The following KDM5B variants were observed in gnomAD, a reference collection of about 807,000 sequenced individuals.
The protein encoded by KDM5B is lysine demethylase 5B, also known as lysine-specific demethylase 5B.
KDM5B carries 144 observed loss-of-function variants against 193.4 expected under a neutral mutation model. The observed-to-expected ratio is 0.74, with a 90% confidence interval of 0.65 to 0.86. KDM5B has a LOEUF of 0.86. Ranked by LOEUF, KDM5B falls within the 40% of genes least tolerant of loss-of-function variation. The pLI is 0.00. For synonymous variants in KDM5B, 668 were observed against 682.6 expected (o/e 0.98, Z 0.33); for missense variants, 1,833 against 1,886.9 (o/e 0.97, Z 0.53).
chr1:202,789,351 T>C lies in KDM5B; in HGVS notation c.205-12257A>G, dbSNP rs188780170. 2.2e-3 allele frequency among the ~76,000 whole-genome samples: 339 copies of C among 151,718 alleles called. 3 individuals carry two copies. The highest frequency in any genetic ancestry group is 6.4e-3 in the African/African-American group (263 of 41,364). ...GCCTGACCAACATGGTGAAACCCCA[T>C]CTCTACTGAAAATACAAAAACTAGC... On this transcript the variant is annotated intron_variant, in intron 1 of 26. Transcript: ENST00000367265.
intron 1 of KDM5B, among the ~76,000 whole-genome samples, chr1:202,784,245 T>C (rs1198868270): frequency 1.3e-5 from 2 of 152,196 alleles, no homozygotes; most frequent in African/African-American, 2.4e-5. Context: ...ATCTGATAAT[T>C]AGCAAAATGA....
chr1:202,796,342 G>T, intron 1 of KDM5B: 1 of 351,450 alleles, frequency 2.8e-6, no homozygotes, highest in Non-Finnish European at 5.7e-6. Flanking sequence ...CACCTTGGAT[G>T]CCTCTGTGAA....
At position 202,808,338 on chromosome 1, in the gene KDM5B, G is replaced by T; in HGVS notation, c.-33C>A. 6.5e-7 allele frequency: 1 copy of T among 1,533,954 alleles called. No individual in the cohort carries two copies. ...GGCTGGGCAAGGGCGAGGCGAAGGT[G>T]GGCTCCGGGACCGAGGCTGCGAGCT... On this transcript the variant is annotated 5_prime_UTR_variant, in exon 1 of 27. Transcript: ENST00000367265.
chr1:202,766,805 T>C, intron 5 of KDM5B, 121 bp downstream of exon 5: 1 of 1,111,520 alleles, frequency 9.0e-7, no homozygotes, highest in East Asian at 2.5e-5. Flanking sequence ...CAGCATCCCT[T>C]TGTGAGATTA....
intron 13 of KDM5B, among the ~76,000 whole-genome samples, chr1:202,750,412 G>A (rs1413743698): frequency 6.6e-6 from 1 of 151,706 alleles, no homozygotes; most frequent in Non-Finnish European, 1.5e-5. Context: ...CCAAGTAATT[G>A]GGATTACAGG....
At chr1:202,783,723 T>C (rs1240535689) in intron 1 of KDM5B, among the ~76,000 whole-genome samples, 3 of 147,892 alleles carry the variant, frequency 2.0e-5, no homozygotes, top group Non-Finnish European at 4.5e-5. Flanking sequence ...TAAAAAAAAA[T>C]ACAAAAAATT....
At chr1:202,784,584 G>C (rs917781498) in intron 1 of KDM5B, among the ~76,000 whole-genome samples, 3 of 152,090 alleles carry the variant, frequency 2.0e-5, no homozygotes, top group African/African-American at 7.2e-5. Context: ...TAAAACACCT[G>C]CACAAATGCA....
At chr1:202,759,299 G>A (rs1241997507) in intron 8 of KDM5B, among the ~76,000 whole-genome samples, 1 of 152,136 alleles carries the variant, frequency 6.6e-6, no homozygotes. Context: ...GGCACTTTGG[G>A]AGGCTGGGGC....
chr1:202,739,457 T>TTGTTTA (rs1655218749), intron 20 of KDM5B, among the ~76,000 whole-genome samples: 14 of 151,826 alleles, frequency 9.2e-5, no homozygotes, highest in Non-Finnish European at 1.9e-4. Context: ...TTTTTTTGCC[T>TTGTTTA]TTTTTATTTT....
Position 202,781,461 on chromosome 1 carries a change from G to A in KDM5B, c.205-4367C>T, listed in dbSNP as rs560896558. Among the ~76,000 whole-genome samples the A allele has an allele frequency of 2.6e-5, 4 of 152,228 alleles. No individual in the cohort carries two copies. In the South Asian group the frequency reaches 8.3e-4, roughly 32 times the overall value. On this transcript the variant is annotated intron_variant, in intron 1 of 26. Coordinates refer to ENST00000367265, the MANE Select transcript of KDM5B (RefSeq NM_006618.5). ...AACATAGTTGTACTGCCTTTTTATG[G>A]TTAATGTTTTAAATGTCAGTTAAAA...
chr1:202,754,473 A>G (rs1572728752), intron 11 of KDM5B, among the ~76,000 whole-genome samples: 2 of 152,294 alleles, frequency 1.3e-5, no homozygotes, highest in Admixed American at 1.3e-4. Context: ...CAATGTGCAC[A>G]CCAAGATAAG....
chr1:202,742,595 C>T, intron 17 of KDM5B, 60 bp downstream of exon 17: 2 of 1,608,496 alleles, frequency 1.2e-6, no homozygotes, highest in Non-Finnish European at 1.7e-6. Context: ...ACAGGAGTCA[C>T]AACAGGTTTC....
chr1:202,750,843 C>A, intron 12 of KDM5B, 65 bp from the exon 13 acceptor site: 1 of 1,517,612 alleles, frequency 6.6e-7, no homozygotes, highest in South Asian at 1.2e-5. Context: ...TAAAGACAAT[C>A]TGGACACAGT....
intron 4 of KDM5B, among the ~76,000 whole-genome samples, chr1:202,771,234 T>A (rs994145988): frequency 4.6e-5 from 7 of 152,198 alleles, no homozygotes; most frequent in Non-Finnish European, 1.0e-4. Context: ...TATTTATTTA[T>A]TTTTTGAGAC....
At chr1:202,734,507 G>T (rs571672751) in intron 22 of KDM5B, among the ~76,000 whole-genome samples, 2 of 152,240 alleles carry the variant, frequency 1.3e-5, no homozygotes, top group East Asian at 3.9e-4. Flanking sequence ...TACGTAGGGA[G>T]AATTCTTAAA....
At chr1:202,753,667 T>C (rs71635592) in intron 11 of KDM5B, among the ~76,000 whole-genome samples, 1 of 124,716 alleles carries the variant, frequency 8.0e-6, no homozygotes, top group Non-Finnish European at 1.8e-5. Flanking sequence ...TGTTGTTGTT[T>C]TTTTTTTGTT....
chr1:202,760,459 C>G lies in KDM5B; in HGVS notation c.1033G>C (p.Asp345His). The change falls in exon 8 of 27, where the codon GAT (aspartate) becomes CAT (histidine). Residue 345 changes from aspartate to histidine, a missense_variant. Asp to His is a moderately conservative substitution (Grantham distance 81). This residue lies in a region of KDM5B where 99 missense variants were observed against 162.4 expected (regional missense o/e 0.61). Transcript: ENST00000367265. ...CACCTCCAGTCTCCCTTGGGAACATCATGGAGAGGTGGGATCAAGCAAAAG... is the reference window on the plus strand; with the variant it reads ...CACCTCCAGTCTCCCTTGGGAACATGATGGAGAGGTGGGATCAAGCAAAAG... ...HTFCLIPPLH[D>H]VPKGDWRCPK... 6.2e-7 allele frequency: 1 copy of G among 1,613,620 alleles called. No individual in the cohort carries two copies.
intron 1 of KDM5B, chr1:202,797,046 G>A (rs1657878488): frequency 6.6e-6 from 1 of 152,144 alleles, no homozygotes; most frequent in African/African-American, 2.4e-5. Context: ...CCACTTATGA[G>A]TTCAGCAAAA....
intron 2 of KDM5B, among the ~76,000 whole-genome samples, chr1:202,775,903 T>TATATAA (rs1377753407): frequency 5.5e-4 from 58 of 104,926 alleles, no homozygotes; most frequent in African/African-American, 2.0e-3. Context: ...TATATATATA[T>TATATAA]AATATATACA....
Sources: allele counts gnomAD v4.1 joint callset (sites outside exome capture counted in the v4.1 genomes callset), GRCh38; gene constraint gnomAD v4.1.1; regional missense constraint gnomAD v4.1.1; transcripts MANE v1.5; gene names NCBI Gene and HGNC (gene_info 2026-07-23, HGNC 2026-07-21).